Variants in GINS3 observed in about 807,000 individuals in gnomAD.
The protein encoded by GINS3 is DNA replication complex GINS protein PSF3.
A neutral mutation model predicts 20.0 loss-of-function variants in GINS3; 18 were observed. The observed-to-expected ratio is 0.90, with a 90% CI of 0.62 to 1.33. GINS3 has a LOEUF of 1.33. GINS3 is among the 40% of genes most tolerant of loss of function. The pLI, the probability that GINS3 is intolerant of heterozygous loss-of-function variation, is 0.00. For missense variants in GINS3, 254 were observed against 273.6 expected (o/e 0.93, Z 0.51); for synonymous variants, 109 against 107.0 (o/e 1.02, Z -0.12).
Position 58,392,781 on chromosome 16 carries a change from C to A in GINS3, c.180C>A (p.Val60=). Reference sequence around the variant, plus strand: ...CAGGCGCCGAGACTGACAACGCGGTCCCACAGGTGAGCCTTTGGGTGCGGG... The same window carrying A: ...CAGGCGCCGAGACTGACAACGCGGTACCACAGGTGAGCCTTTGGGTGCGGG... ...RSAGAETDNA[V]PQGSKLELPL... Residue 60 remains valine, a synonymous_variant, in exon 1 of 3, where the codon GTC becomes GTA. Coordinates refer to ENST00000318129, the MANE Select transcript of GINS3 (RefSeq NM_022770.4). 2.5e-6 allele frequency: 4 copies of A among 1,604,780 alleles called. No homozygotes were observed. Among genetic ancestry groups the A allele is most frequent in the Non-Finnish European group, 3.4e-6 (4 of 1,177,010 alleles).
chr16:58,397,291 G>C (rs917433256), intron 1 of GINS3, among the ~76,000 whole-genome samples: 12 of 150,814 alleles, frequency 8.0e-5, no homozygotes, highest in African/African-American at 2.9e-4. Flanking sequence ...GACGATGGGC[G>C]GCCGGGCAGA....
chr16:58,395,337 ATT>A (rs71155263), intron 1 of GINS3: 357 of 166,904 alleles, frequency 2.1e-3, no homozygotes, highest in African/African-American at 7.4e-3. Context: ...ATATATATAT[ATT>A]TTTTTTTTAA....
chr16:58,402,584 A>T (rs906930812), intron 1 of GINS3, among the ~76,000 whole-genome samples: 1 of 151,890 alleles, frequency 6.6e-6, no homozygotes, highest in Non-Finnish European at 1.5e-5. Flanking sequence ...TTCTAATTCT[A>T]TTGAGGCTTT....
chr16:58,397,290 C>T lies in GINS3; in HGVS notation c.186+4503C>T, dbSNP rs900984326. Among the ~76,000 whole-genome samples the T allele has an allele frequency of 1.7e-3, 249 of 149,210 alleles. 1 individual carries two copies. Among genetic ancestry groups the T allele is most frequent in the Non-Finnish European group, 3.2e-3 (215 of 67,442 alleles). On this transcript the variant is annotated intron_variant, in intron 1 of 2. Coordinates refer to ENST00000318129, the MANE Select transcript of GINS3 (RefSeq NM_022770.4). ...CACTCCCCACATCTCAGACGATGGG[C>T]GGCCGGGCAGAGACGCTCCTCACTT...
chr16:58,394,100 G>A (rs1238494732), intron 1 of GINS3, among the ~76,000 whole-genome samples: 1 of 152,058 alleles, frequency 6.6e-6, no homozygotes, highest in Non-Finnish European at 1.5e-5. Flanking sequence ...ATGGCGCTAT[G>A]CTGCCCATAC....
intron 1 of GINS3, chr16:58,394,998 G>A: frequency 2.3e-6 from 1 of 444,380 alleles, no homozygotes; most frequent in Non-Finnish European, 4.0e-6. Context: ...TCATTTATAG[G>A]ATTATTCAGA....
In GINS3 at chr16:58,404,940, C is replaced by CA; in HGVS notation, c.*212dup. 3.5e-6 allele frequency: 2 copies of CA among 564,004 alleles called. No homozygotes were observed. Among genetic ancestry groups the CA allele is most frequent in the South Asian group, 2.1e-5 (1 of 47,028 alleles). The allele number at this position is 564,004 out of a possible 1,614,324, so 34.9% of individuals were successfully genotyped here. ...CCAGGACCGTCCCACCCTGCTGACC[C>CA]ACAGCCCAGGCCCTTTAACCCAAGA... On this transcript the variant is annotated 3_prime_UTR_variant, in exon 3 of 3. Coordinates refer to ENST00000318129, the MANE Select transcript of GINS3 (RefSeq NM_022770.4).
chr16:58,395,964 G>GC (rs1184860348), intron 1 of GINS3, among the ~76,000 whole-genome samples: 4 of 136,686 alleles, frequency 2.9e-5, no homozygotes, highest in Non-Finnish European at 3.2e-5. Flanking sequence ...CGGGGGGCTG[G>GC]CCCCCCCACC....
intron 1 of GINS3, among the ~76,000 whole-genome samples, chr16:58,399,385 A>C (rs767543661): frequency 6.6e-6 from 1 of 152,056 alleles, no homozygotes; most frequent in Admixed American, 6.6e-5. Context: ...GACATATATT[A>C]ATAATTTTCT....
chr16:58,397,055 C>T (rs1453843687), intron 1 of GINS3, among the ~76,000 whole-genome samples: 12 of 147,654 alleles, frequency 8.1e-5, no homozygotes, highest in African/African-American at 2.1e-4. Context: ...GGCGGCTGGC[C>T]GGGCGGGGGG....
intron 1 of GINS3, among the ~76,000 whole-genome samples, chr16:58,396,520 A>AT (rs1555519441): frequency 5.9e-5 from 2 of 34,100 alleles, no homozygotes; most frequent in Admixed American, 2.4e-4. Context: ...GCGGGGGCTG[A>AT]CCCCCCCACC....
chr16:58,394,966 A>C (rs1965829731), intron 1 of GINS3: 2 of 390,068 alleles, frequency 5.1e-6, no homozygotes, highest in Non-Finnish European at 9.1e-6. Context: ...TTTGTGTAGG[A>C]AGGTTTGTAT....
chr16:58,400,809 CTT>C lies in GINS3; in HGVS notation c.187-2274_187-2273del, dbSNP rs575818165. On this transcript the variant is annotated intron_variant, in intron 1 of 2. Coordinates refer to ENST00000318129, the MANE Select transcript of GINS3 (RefSeq NM_022770.4). ...TCCACAGTTTCTGTTAAGAAGTTGG[CTT>C]TTTTTTTTTTTTTTCTTTTTTGAGA... 5.4e-3 allele frequency among the ~76,000 whole-genome samples: 730 copies of C among 135,234 alleles called. 2 individuals are homozygous for C. Among genetic ancestry groups the C allele is most frequent in the African/African-American group, 0.017 (631 of 37,030 alleles). 88.7% of individuals were successfully genotyped at this position (135,234 alleles called of 152,430 possible).
chr16:58,402,693 C>T (rs1022329901), intron 1 of GINS3, among the ~76,000 whole-genome samples: 2 of 152,102 alleles, frequency 1.3e-5, no homozygotes, highest in African/African-American at 4.8e-5. Context: ...TTCTTTCTGA[C>T]CCCTAGCATC....
chr16:58,397,022 C>T (rs1965883082), intron 1 of GINS3, among the ~76,000 whole-genome samples: 1 of 144,576 alleles, frequency 6.9e-6, no homozygotes, highest in Non-Finnish European at 1.5e-5. Flanking sequence ...GGGGGCTGAC[C>T]CCCCCACCTC....
rs765555442 is a variant in GINS3, at chr16:58,392,631, G to T, written c.30G>T (p.Ser10=). 1 of 1,614,102 alleles carries T rather than the reference G, an allele frequency of 6.2e-7. No homozygotes were observed. The highest frequency in any genetic ancestry group is 1.7e-5 in the Admixed American group (1 of 60,008). MSEAYFRVE[S]GALGPEENFL... is the part of the protein sequence containing the mutation. ...CAGAGGCTTATTTCCGAGTGGAGTC[G>T]GGTGCGCTGGGGCCTGAGGAGAACT... Residue 10 remains serine (S), a synonymous_variant, in exon 1 of 3, where the codon TCG becomes TCT. Coordinates refer to ENST00000318129, the MANE Select transcript of GINS3 (RefSeq NM_022770.4).
chr16:58,397,148 A>G (rs1359417155), intron 1 of GINS3, among the ~76,000 whole-genome samples: 1 of 148,574 alleles, frequency 6.7e-6, no homozygotes, highest in African/African-American at 2.5e-5. Flanking sequence ...TGCCGGGCGG[A>G]GGGGCTCCTC....
chr16:58,396,325 C>T (rs1965857072), intron 1 of GINS3, among the ~76,000 whole-genome samples: 1 of 127,732 alleles, frequency 7.8e-6, no homozygotes, highest in African/African-American at 3.2e-5. Context: ...TCCTCACTTA[C>T]CAGTAGGGGC....
At chr16:58,402,046 C>T (rs1965963111) in intron 1 of GINS3, among the ~76,000 whole-genome samples, 1 of 152,110 alleles carries the variant, frequency 6.6e-6, no homozygotes, top group Non-Finnish European at 1.5e-5. Context: ...TTCTTTTACA[C>T]CTTATTTCAT....
Sources: gnomAD v4.1 joint callset for allele counts (sites outside exome capture counted in the v4.1 genomes callset) on GRCh38, gnomAD v4.1.1 for gene constraint, MANE v1.5 for transcripts, NCBI Gene and HGNC (gene_info 2026-07-23, HGNC 2026-07-21) for gene names.